The following KALRN variants were observed in gnomAD, a reference collection of about 807,000 sequenced individuals.
KALRN encodes the protein kalirin RhoGEF kinase, also known as kalirin.
In KALRN, 70 loss-of-function variants were observed where a neutral mutation model predicts 353.7. The ratio of observed to expected loss-of-function variants is 0.20; its 90% CI spans 0.16 to 0.24. KALRN has a LOEUF of 0.24. Ranked by LOEUF, KALRN falls within the 10% of genes least tolerant of loss-of-function variation. KALRN has a pLI of 1.00. For missense variants in KALRN, 2,791 were observed against 3,756.7 expected (o/e 0.74, Z 6.72); for synonymous variants, 1,391 against 1,434.8 (o/e 0.97, Z 0.69).
intron 10 of KALRN, among the ~76,000 whole-genome samples, chr3:124,353,646 T>C (rs1425593083): frequency 6.6e-6 from 1 of 151,928 alleles, no homozygotes; most frequent in Non-Finnish European, 1.5e-5. Context: ...CCAGAGATGA[T>C]GACCAATTAT....
chr3:124,482,407 T>G (rs908732226), intron 27 of KALRN, among the ~76,000 whole-genome samples: 2 of 152,206 alleles, frequency 1.3e-5, no homozygotes, highest in Non-Finnish European at 2.9e-5. Flanking sequence ...TGTCAGAGCC[T>G]CATTCTCTGC....
chr3:124,497,129 A>G (rs2063947957), intron 33 of KALRN, among the ~76,000 whole-genome samples: 1 of 152,206 alleles, frequency 6.6e-6, no homozygotes, highest in African/African-American at 2.4e-5. Flanking sequence ...GGCTCTGTGT[A>G]TCTGCCCCAG....
At chr3:124,518,541 A>C (rs1577675133) in intron 33 of KALRN, 9 of 1,611,568 alleles carry the variant, frequency 5.6e-6, no homozygotes, top group Non-Finnish European at 7.6e-6. Context: ...GACTCCAATC[A>C]CCCACCTCTC....
Position 124,326,013 on chromosome 3 carries a change from G to T in KALRN, c.1126G>T (p.Val376Leu). 6.2e-7 allele frequency: 1 copy of T among 1,612,812 alleles called. No homozygotes were observed. Among genetic ancestry groups the T allele is most frequent in the Non-Finnish European group, 8.5e-7 (1 of 1,179,408 alleles). The part of the protein sequence containing the change: ...AYVNINRIMS[V>L]ASRLSEAGHY... ...TGTCAACATCAACCGCATCATGTCCGTGGCTTCCCGCCTCTCTGAGGCCGG... is the reference window on the plus strand; with the variant it reads ...TGTCAACATCAACCGCATCATGTCCTTGGCTTCCCGCCTCTCTGAGGCCGG... The change falls in exon 7 of 60, where the codon GTG (valine) becomes TTG (leucine). Residue 376 changes from valine (V) to leucine (L), a missense_variant. Val to Leu is a conservative substitution (Grantham distance 32). Transcript: ENST00000682506.
rs778424863 is a variant in KALRN at position 124,462,574 on chromosome 3, C to T, written c.3972C>T (p.Ile1324=). The T allele has an allele frequency of 1.2e-6, 2 of 1,612,866 alleles. No individual in the cohort carries two copies. The highest frequency in any genetic ancestry group is 2.7e-5 in the African/African-American group (2 of 74,874). The change falls in exon 25 of 60, where the codon ATC becomes ATT. Residue 1324 remains isoleucine, a synonymous_variant. Transcript: ENST00000682506. ...TSGVEEIPPG[I]LNKEHIIFGN... The stretch of plus-strand genomic sequence containing the variant: ...GTGTGGAGGAGATCCCCCCTGGGAT[C>T]CTCAATAAAGAGCATATCATCTTTG...
At chr3:124,520,712 C>T (rs980599562) in intron 33 of KALRN, among the ~76,000 whole-genome samples, 1 of 152,172 alleles carries the variant, frequency 6.6e-6, no homozygotes, top group Non-Finnish European at 1.5e-5. Context: ...TTGTTAAGAA[C>T]CTCATGGCTT....
chr3:124,490,834 A>T lies in KALRN; in HGVS notation c.4537A>T (p.Ile1513Phe). ...GATCTCCTTGGTTTTTAGCAAGGAG[A>T]TCAAAGATTCTTCAGGACACACGAA... ...FEISLVFSKE[I>F]KDSSGHTKYV... The change falls in exon 30 of 60, where the codon ATC becomes TTC. Residue 1513 changes from isoleucine to phenylalanine, a missense_variant. Ile to Phe is a conservative substitution (Grantham distance 21). This residue lies in a region of KALRN where 239 missense variants were observed against 351.3 expected (regional missense o/e 0.68). Coordinates refer to ENST00000682506, the MANE Select transcript of KALRN (RefSeq NM_001388419.1). 6.2e-7 allele frequency: 1 copy of T among 1,613,846 alleles called. No individual in the cohort carries two copies. The highest frequency in any genetic ancestry group is 1.6e-4 in the Middle Eastern group (1 of 6,062).
intron 7 of KALRN, among the ~76,000 whole-genome samples, chr3:124,329,173 A>C (rs1214278217): frequency 1.3e-5 from 2 of 152,208 alleles, no homozygotes; most frequent in African/African-American, 4.8e-5. Context: ...ATAGTCTTCC[A>C]CAGTTGTTAA....
intron 1 of KALRN, among the ~76,000 whole-genome samples, chr3:124,150,734 C>G (rs377484783): frequency 1.3e-5 from 2 of 152,278 alleles, no homozygotes; most frequent in East Asian, 3.9e-4. Flanking sequence ...AGCAAGTGTA[C>G]AGAAGAGTGC....
At chr3:124,412,205 A>G (rs2092219585) in intron 13 of KALRN, among the ~76,000 whole-genome samples, 1 of 152,118 alleles carries the variant, frequency 6.6e-6, no homozygotes, top group African/African-American at 2.4e-5. Flanking sequence ...ACTTGCTTCA[A>G]TCCATCGTCT....
intron 34 of KALRN, among the ~76,000 whole-genome samples, chr3:124,608,806 T>A (rs1677482809): frequency 6.6e-6 from 1 of 152,220 alleles, no homozygotes; most frequent in African/African-American, 2.4e-5. Context: ...CTTGACAGAT[T>A]AGTACATTGA....
At chr3:124,619,363 A>C (rs1025966119) in intron 34 of KALRN, among the ~76,000 whole-genome samples, 4 of 151,992 alleles carry the variant, frequency 2.6e-5, no homozygotes, top group Admixed American at 6.6e-5. Flanking sequence ...TACTGTGCAT[A>C]ATGTTGCAAT....
intron 1 of KALRN, among the ~76,000 whole-genome samples, chr3:124,108,722 T>A (rs2062555618): frequency 6.6e-6 from 1 of 152,204 alleles, no homozygotes; most frequent in African/African-American, 2.4e-5. Context: ...CTGAACCAAG[T>A]TGAACATGTA....
chr3:124,041,063 G>A (rs2039916508), intron 1 of KALRN, among the ~76,000 whole-genome samples: 2 of 152,124 alleles, frequency 1.3e-5, no homozygotes, highest in Non-Finnish European at 2.9e-5. Flanking sequence ...CATGCTATGG[G>A]AGTATATAAA....
At chr3:124,432,148 A>C (rs557044297) in intron 16 of KALRN, among the ~76,000 whole-genome samples, 1 of 152,294 alleles carries the variant, frequency 6.6e-6, no homozygotes, top group East Asian at 1.9e-4. Flanking sequence ...GGTGGTTCAC[A>C]TGTGTAATCC....
intron 28 of KALRN, among the ~76,000 whole-genome samples, chr3:124,484,776 C>A (rs1419766388): frequency 6.6e-6 from 1 of 152,208 alleles, no homozygotes; most frequent in Non-Finnish European, 1.5e-5. Flanking sequence ...TTATCTTCTT[C>A]TTTCCTATCC....
chr3:124,539,325 C>T (rs1198288256), intron 33 of KALRN, among the ~76,000 whole-genome samples: 1 of 152,210 alleles, frequency 6.6e-6, no homozygotes, highest in African/African-American at 2.4e-5. Flanking sequence ...CTCTAAAATG[C>T]ATTGATCCTC....
chr3:124,531,236 A>G (rs558748585), intron 33 of KALRN, among the ~76,000 whole-genome samples: 63 of 152,384 alleles, frequency 4.1e-4, no homozygotes, highest in African/African-American at 1.4e-3. Flanking sequence ...TCCAGAAGGC[A>G]GAAATATTTG....
At chr3:124,587,033 A>G (rs1298650196) in intron 34 of KALRN, among the ~76,000 whole-genome samples, 4 of 152,214 alleles carry the variant, frequency 2.6e-5, no homozygotes, top group African/African-American at 9.6e-5. Flanking sequence ...TGCATGGCCC[A>G]GAGTCCGTGG....
Sources: gnomAD v4.1 joint callset for allele counts (sites outside exome capture counted in the v4.1 genomes callset) on GRCh38, gnomAD v4.1.1 for gene constraint, gnomAD v4.1.1 regional missense constraint, MANE v1.5 for transcripts, NCBI Gene and HGNC (gene_info 2026-07-23, HGNC 2026-07-21) for gene names.